The following GRB2 variants were observed in gnomAD, a reference collection of about 807,000 sequenced individuals.
The protein encoded by GRB2 is growth factor receptor bound protein 2, also known as growth factor receptor-bound protein 2.
GRB2 carries 2 observed loss-of-function variants against 27.4 expected under a neutral mutation model. The ratio of observed to expected loss-of-function variants is 0.07; its 90% CI spans 0.03 to 0.23. GRB2 has a LOEUF of 0.23. Ranked by LOEUF, GRB2 falls within the 10% of genes least tolerant of loss-of-function variation. The pLI, the probability that GRB2 is intolerant of heterozygous loss-of-function variation, is 1.00. For synonymous variants in GRB2, 94 were observed against 99.6 expected (o/e 0.94, Z 0.33); for missense variants, 102 against 282.4 (o/e 0.36, Z 4.58).
intron 2 of GRB2, among the ~76,000 whole-genome samples, chr17:75,377,888 GAGAGTA>G (rs2078904365): frequency 1.3e-5 from 2 of 152,042 alleles, no homozygotes; most frequent in Non-Finnish European, 2.9e-5. Context: ...GCCTGGGCAA[GAGAGTA>G]AGACTCTAAA....
intron 2 of GRB2, among the ~76,000 whole-genome samples, chr17:75,347,468 T>C (rs1365531616): frequency 1.3e-5 from 2 of 152,020 alleles, no homozygotes; most frequent in African/African-American, 4.8e-5. Flanking sequence ...CACAAACCAT[T>C]CAGCATGCAT....
chr17:75,383,668 C>A (rs2078944285), intron 2 of GRB2, among the ~76,000 whole-genome samples: 2 of 152,188 alleles, frequency 1.3e-5, no homozygotes, highest in East Asian at 3.9e-4. Flanking sequence ...ATGGTGAAAG[C>A]CCGTCTCTAC....
chr17:75,334,812 A>ATAT (rs1339692871), intron 2 of GRB2, among the ~76,000 whole-genome samples: 1 of 151,470 alleles, frequency 6.6e-6, no homozygotes, highest in Non-Finnish European at 1.5e-5. Flanking sequence ...ATAACAATAT[A>ATAT]CTGTAATAAA....
chr17:75,355,355 T>C (rs2145843418), intron 2 of GRB2, among the ~76,000 whole-genome samples: 1 of 152,258 alleles, frequency 6.6e-6, no homozygotes, highest in East Asian at 1.9e-4. Flanking sequence ...CATCTCTCTG[T>C]TCCCCTTTAA....
chr17:75,364,269 G>A (rs1171160039), intron 2 of GRB2, among the ~76,000 whole-genome samples: 3 of 152,126 alleles, frequency 2.0e-5, no homozygotes, highest in Non-Finnish European at 4.4e-5. Context: ...TAGTGGCTGT[G>A]GTTTTATTAC....
At chr17:75,381,422 A>G (rs2078926715) in intron 2 of GRB2, among the ~76,000 whole-genome samples, 1 of 152,094 alleles carries the variant, frequency 6.6e-6, no homozygotes. Context: ...TCCTTTTCAT[A>G]GTTATGTATG....
At chr17:75,350,194 A>G (rs2078681101) in intron 2 of GRB2, among the ~76,000 whole-genome samples, 1 of 147,802 alleles carries the variant, frequency 6.8e-6, no homozygotes, top group African/African-American at 2.5e-5. Flanking sequence ...TAGCCACTGC[A>G]CTCTGGCCCA....
chr17:75,341,467 A>C lies in GRB2; in HGVS notation c.79-8670T>G, dbSNP rs1019827960. ...TCCATTAAAAAAAAAAAAAAAAAAA[A>C]AACACAAAAGAAAAACAAAGGGTAT... On this transcript the variant is annotated intron_variant, in intron 2 of 5. Coordinates refer to ENST00000316804, the MANE Select transcript of GRB2 (RefSeq NM_002086.5). 4.2e-5 allele frequency among the ~76,000 whole-genome samples: 6 copies of C among 143,080 alleles called. No homozygotes were observed. The South Asian group carries it at 9.0e-4, about 22-fold the overall frequency. The allele number at this position is 143,080 out of a possible 152,430, so 93.9% of individuals were successfully genotyped here.
intron 2 of GRB2, among the ~76,000 whole-genome samples, chr17:75,338,290 C>T (rs1262131303): frequency 1.3e-5 from 2 of 151,922 alleles, no homozygotes; most frequent in South Asian, 2.1e-4. Flanking sequence ...GTCTCGAACT[C>T]CTGGCCTCAG....
intron 2 of GRB2, among the ~76,000 whole-genome samples, chr17:75,390,060 G>T (rs185940483): frequency 6.6e-6 from 1 of 152,148 alleles, no homozygotes; most frequent in African/African-American, 2.4e-5. Flanking sequence ...CTCAGTCAGT[G>T]TGACACTGAA....
chr17:75,357,966 C>T (rs2078744527), intron 2 of GRB2, among the ~76,000 whole-genome samples: 2 of 152,234 alleles, frequency 1.3e-5, no homozygotes, highest in South Asian at 2.1e-4. Context: ...GGCGTGGTGG[C>T]GCGTGCCTGT....
intron 2 of GRB2, among the ~76,000 whole-genome samples, chr17:75,336,287 T>C (rs1009746925): frequency 1.3e-5 from 2 of 152,198 alleles, no homozygotes; most frequent in African/African-American, 4.8e-5. Context: ...CGTGCACCCA[T>C]ACCAGCTATG....
At chr17:75,336,857 C>T (rs562070269) in intron 2 of GRB2, among the ~76,000 whole-genome samples, 2 of 152,214 alleles carry the variant, frequency 1.3e-5, no homozygotes, top group Non-Finnish European at 2.9e-5. Flanking sequence ...AGTGCCTCGG[C>T]CTCCCAAGTA....
intron 1 of GRB2, 145 bp from the exon 2 acceptor site, chr17:75,393,910 C>G (rs562087831): frequency 1.2e-4 from 58 of 487,288 alleles, no homozygotes; most frequent in East Asian, 5.5e-4. Flanking sequence ...ACAGCCCCCC[C>G]CCGCCGACTT....
At chr17:75,389,066 GC>G (rs1228132681) in intron 2 of GRB2, among the ~76,000 whole-genome samples, 1 of 151,978 alleles carries the variant, frequency 6.6e-6, no homozygotes, top group Non-Finnish European at 1.5e-5. Flanking sequence ...CCCCAGCCTT[GC>G]CCCCTTGCAA....
chr17:75,323,816 T>C (rs936243921), intron 4 of GRB2, among the ~76,000 whole-genome samples: 14 of 151,950 alleles, frequency 9.2e-5, no homozygotes, highest in Non-Finnish European at 1.5e-4. Context: ...CTTTTTTTTT[T>C]TTTTTTAAAG....
chr17:75,357,818 G>A (rs966611447), intron 2 of GRB2, among the ~76,000 whole-genome samples: 1 of 152,240 alleles, frequency 6.6e-6, no homozygotes, highest in Non-Finnish European at 1.5e-5. Context: ...CTACTGGGGA[G>A]GCTGAGGCAG....
chr17:75,335,312 T>C (rs2078569580), intron 2 of GRB2, among the ~76,000 whole-genome samples: 2 of 151,814 alleles, frequency 1.3e-5, no homozygotes, highest in Admixed American at 1.3e-4. Context: ...CAGGAAAATG[T>C]TGGCTAGTAC....
At chr17:75,343,669 A>G (rs1347524681) in intron 2 of GRB2, among the ~76,000 whole-genome samples, 1 of 132,712 alleles carries the variant, frequency 7.5e-6, no homozygotes, top group Non-Finnish European at 1.7e-5. Flanking sequence ...AGGCAGTGAA[A>G]CCTAAATGCA....
Sources: allele counts gnomAD v4.1 joint callset (sites outside exome capture counted in the v4.1 genomes callset), GRCh38; gene constraint gnomAD v4.1.1; transcripts MANE v1.5; gene names NCBI Gene and HGNC (gene_info 2026-07-23, HGNC 2026-07-21).